HS6ST3: variants seen among roughly 807,000 people sequenced by gnomAD.
The protein encoded by HS6ST3 is heparan-sulfate 6-O-sulfotransferase 3.
A neutral mutation model predicts 36.7 loss-of-function variants in HS6ST3; 12 were observed. The ratio of observed to expected loss-of-function variants is 0.33; its 90% CI spans 0.21 to 0.53. HS6ST3 has a LOEUF of 0.53. HS6ST3 is among the 20% of genes least tolerant of loss of function. HS6ST3 has a pLI of 0.95. For missense variants in HS6ST3, 584 were observed against 640.9 expected, an observed-to-expected ratio of 0.91 and a Z score of 0.96; for synonymous variants, 240 against 257.5, an observed-to-expected ratio of 0.93 and a Z score of 0.65.
At chr13:96,562,662 C>T (rs2056266531) in intron 1 of HS6ST3, among the ~76,000 whole-genome samples, 2 of 152,060 alleles carry the variant, frequency 1.3e-5, no homozygotes, top group Admixed American at 6.6e-5. Flanking sequence ...GAAGTTGAAT[C>T]TCTTTTTTTC....
chr13:96,699,503 T>C (rs577638942), intron 1 of HS6ST3, among the ~76,000 whole-genome samples: 2 of 152,294 alleles, frequency 1.3e-5, no homozygotes, highest in East Asian at 1.9e-4. Flanking sequence ...AAAATGCTCA[T>C]CATCACTGGC....
At chr13:96,632,361 C>G (rs1316685960) in intron 1 of HS6ST3, among the ~76,000 whole-genome samples, 1 of 151,046 alleles carries the variant, frequency 6.6e-6, no homozygotes, top group Non-Finnish European at 1.5e-5. Context: ...CTGACCCATT[C>G]TAGGGCATTT....
intron 1 of HS6ST3, among the ~76,000 whole-genome samples, chr13:96,121,750 G>T (rs1215855191): frequency 6.6e-6 from 1 of 152,060 alleles, no homozygotes; most frequent in African/African-American, 2.4e-5. Flanking sequence ...TTTTCCAGCT[G>T]GGGGACTCCC....
At chr13:96,122,016 A>G (rs904047570) in intron 1 of HS6ST3, among the ~76,000 whole-genome samples, 4 of 151,994 alleles carry the variant, frequency 2.6e-5, no homozygotes, top group Non-Finnish European at 4.4e-5. Flanking sequence ...TACTTTTTCA[A>G]TAGCTAAGAA....
At chr13:96,091,874 C>T (rs2053766919) in intron 1 of HS6ST3, among the ~76,000 whole-genome samples, 1 of 152,106 alleles carries the variant, frequency 6.6e-6, no homozygotes, top group Non-Finnish European at 1.5e-5. Context: ...CCAGTGGACG[C>T]TGGAAAAACG....
intron 1 of HS6ST3, among the ~76,000 whole-genome samples, chr13:96,422,904 T>C (rs1412601675): frequency 3.3e-5 from 5 of 152,204 alleles, no homozygotes; most frequent in African/African-American, 9.6e-5. Flanking sequence ...ACCACTTAGC[T>C]TATGTAATAC....
intron 1 of HS6ST3, among the ~76,000 whole-genome samples, chr13:96,342,079 C>T (rs1008429968): frequency 1.3e-5 from 2 of 151,390 alleles, no homozygotes; most frequent in East Asian, 1.9e-4. Context: ...TTTTCTCCCC[C>T]TCCACAAAAA....
intron 1 of HS6ST3, among the ~76,000 whole-genome samples, chr13:96,226,192 C>T (rs559737433): frequency 2.0e-4 from 30 of 152,230 alleles, no homozygotes; most frequent in Middle Eastern, 6.8e-3. Context: ...ATGTACATTT[C>T]AAAGAGGAAA....
intron 1 of HS6ST3, among the ~76,000 whole-genome samples, chr13:96,652,626 C>T (rs915322295): frequency 2.6e-5 from 4 of 152,032 alleles, no homozygotes; most frequent in African/African-American, 9.7e-5. Context: ...TCTGTTTGTT[C>T]TTGATTGTAC....
At chr13:96,645,281 G>A (rs2056584949) in intron 1 of HS6ST3, among the ~76,000 whole-genome samples, 1 of 151,780 alleles carries the variant, frequency 6.6e-6, no homozygotes. Flanking sequence ...TTTAGGAGGA[G>A]CAAGAGCAAA....
chr13:96,726,101 G>T (rs1237226826), intron 1 of HS6ST3, among the ~76,000 whole-genome samples: 1 of 152,164 alleles, frequency 6.6e-6, no homozygotes, highest in Non-Finnish European at 1.5e-5. Flanking sequence ...CTCCCAAAGT[G>T]CTGGGATTAC....
At chr13:96,680,786 G>A (rs1355899793) in intron 1 of HS6ST3, among the ~76,000 whole-genome samples, 5 of 152,168 alleles carry the variant, frequency 3.3e-5, no homozygotes, top group South Asian at 4.1e-4. Flanking sequence ...AAATTTCCAG[G>A]AAATTATATA....
intron 1 of HS6ST3, among the ~76,000 whole-genome samples, chr13:96,804,873 A>T (rs1235266069): frequency 1.3e-5 from 2 of 152,198 alleles, no homozygotes; most frequent in Admixed American, 1.3e-4. Context: ...TTTCAGTACA[A>T]GTCATTTCAA....
intron 1 of HS6ST3, among the ~76,000 whole-genome samples, chr13:96,372,703 G>A (rs767988997): frequency 1.5e-4 from 23 of 152,108 alleles, no homozygotes; most frequent in Non-Finnish European, 2.4e-4. Context: ...TTGCATGTGA[G>A]ATAAAGATCC....
At chr13:96,166,146 CT>C (rs1301237879) in intron 1 of HS6ST3, among the ~76,000 whole-genome samples, 1 of 151,958 alleles carries the variant, frequency 6.6e-6, no homozygotes, top group Non-Finnish European at 1.5e-5. Context: ...TGGCCTTGAA[CT>C]TTTAGGCTCA....
chr13:96,239,039 T>C (rs963227073), intron 1 of HS6ST3, among the ~76,000 whole-genome samples: 1 of 152,298 alleles, frequency 6.6e-6, no homozygotes, highest in East Asian at 1.9e-4. Context: ...GGCAATGATA[T>C]GGACTGAGGA....
At chr13:96,589,904 T>G (rs1461840870) in intron 1 of HS6ST3, among the ~76,000 whole-genome samples, 1 of 152,188 alleles carries the variant, frequency 6.6e-6, no homozygotes, top group Non-Finnish European at 1.5e-5. Flanking sequence ...ATTTTAATTT[T>G]TATCTCCCAC....
intron 1 of HS6ST3, among the ~76,000 whole-genome samples, chr13:96,453,982 C>G (rs1219105544): frequency 2.6e-5 from 4 of 152,122 alleles, no homozygotes; most frequent in African/African-American, 9.7e-5. Flanking sequence ...TGTTGGTCAT[C>G]ATTGGAAGGA....
chr13:96,446,551 G>T (rs538117430), intron 1 of HS6ST3, among the ~76,000 whole-genome samples: 1 of 152,254 alleles, frequency 6.6e-6, no homozygotes, highest in East Asian at 1.9e-4. Context: ...CTCTTCACAG[G>T]TGTTGTTCAG....
Sources: allele counts gnomAD v4.1 joint callset (sites outside exome capture counted in the v4.1 genomes callset), GRCh38; gene constraint gnomAD v4.1.1; transcripts MANE v1.5; gene names NCBI Gene and HGNC (gene_info 2026-07-23, HGNC 2026-07-21).